The following GRID2 variants were observed in gnomAD, a reference collection of about 807,000 sequenced individuals.
The protein encoded by GRID2 is glutamate ionotropic receptor delta type subunit 2.
GRID2 carries 33 observed loss-of-function variants against 114.8 expected under a neutral mutation model. The observed-to-expected ratio is 0.29, with a 90% CI of 0.22 to 0.38. The LOEUF is 0.38. Among genes scored for constraint, GRID2 ranks in the 10% least tolerant of loss-of-function variants. The pLI, the probability that GRID2 is intolerant of heterozygous loss-of-function variation, is 1.00. For missense variants in GRID2, 1,184 were observed against 1,257.7 expected (o/e 0.94, Z 0.89); for synonymous variants, 505 against 449.9 (o/e 1.12, Z -1.55).
intron 9 of GRID2, among the ~76,000 whole-genome samples, chr4:93,404,696 T>C (rs1193200361): frequency 2.0e-5 from 3 of 152,108 alleles, no homozygotes; most frequent in Non-Finnish European, 4.4e-5. Context: ...GAAAGAAGTA[T>C]CCAACTTATG....
At chr4:93,075,828 A>T (rs950062471) in intron 2 of GRID2, among the ~76,000 whole-genome samples, 1 of 147,916 alleles carries the variant, frequency 6.8e-6, no homozygotes, top group Non-Finnish European at 1.5e-5. Context: ...GAAGTTATGT[A>T]TAATGCTTAT....
At chr4:92,355,752 C>T (rs922001527) in intron 1 of GRID2, among the ~76,000 whole-genome samples, 1 of 151,684 alleles carries the variant, frequency 6.6e-6, no homozygotes, top group Non-Finnish European at 1.5e-5. Context: ...GAGATAAAAA[C>T]TATGAAGGGT....
At chr4:92,481,102 T>C (rs905946205) in intron 1 of GRID2, among the ~76,000 whole-genome samples, 10 of 152,150 alleles carry the variant, frequency 6.6e-5, no homozygotes, top group Non-Finnish European at 2.9e-5. Flanking sequence ...GCTGAATGTG[T>C]ATATGACGTA....
chr4:92,647,125 T>A (rs1309740186), intron 2 of GRID2, among the ~76,000 whole-genome samples: 2 of 152,180 alleles, frequency 1.3e-5, no homozygotes, highest in African/African-American at 4.8e-5. Context: ...CATTTAATAA[T>A]GGTGTGATCC....
intron 1 of GRID2, among the ~76,000 whole-genome samples, chr4:92,360,421 A>G (rs1467654763): frequency 6.6e-6 from 1 of 151,960 alleles, no homozygotes; most frequent in African/African-American, 2.4e-5. Context: ...AGTTCGAATA[A>G]AAACACAGGC....
chr4:92,889,363 A>G lies in GRID2; in HGVS notation c.245-195632A>G, dbSNP rs1746585590. ...CAGATGACATGATTGTATATTTAGA[A>G]AACCCCATCCATCGTCTCAGCCCAG... is the stretch of plus-strand genomic sequence containing the variant. On this transcript the variant is annotated intron_variant, in intron 2 of 15. Transcript: ENST00000282020. 2.0e-5 allele frequency among the ~76,000 whole-genome samples: 3 copies of G among 152,168 alleles called. No individual in the cohort carries two copies. The South Asian group carries it at 6.2e-4, about 31-fold the overall frequency.
intron 1 of GRID2, among the ~76,000 whole-genome samples, chr4:92,520,524 T>C (rs1315305719): frequency 1.3e-5 from 2 of 151,964 alleles, no homozygotes; most frequent in Non-Finnish European, 2.9e-5. Flanking sequence ...ATTGTGTTTC[T>C]TTACCAGGTG....
intron 1 of GRID2, among the ~76,000 whole-genome samples, chr4:93,785,380 G>A (rs926849128): frequency 2.0e-4 from 31 of 152,152 alleles, no homozygotes; most frequent in African/African-American, 7.5e-4. Flanking sequence ...GCTAGGAAAA[G>A]CTCCCTAGAG....
At chr4:93,084,643 C>T (rs1169030107) in intron 2 of GRID2, among the ~76,000 whole-genome samples, 5 of 152,132 alleles carry the variant, frequency 3.3e-5, no homozygotes, top group Admixed American at 2.6e-4. Context: ...AAAAGTTTAT[C>T]TACCACTAAT....
intron 1 of GRID2, among the ~76,000 whole-genome samples, chr4:92,347,252 G>A (rs2110175333): frequency 6.6e-6 from 1 of 152,276 alleles, no homozygotes; most frequent in East Asian, 1.9e-4. Context: ...TCAATATTAG[G>A]ATAGTTCAGT....
downstream of GRID2, among the ~76,000 whole-genome samples, chr4:93,775,005 T>C (rs996163213): frequency 1.3e-4 from 20 of 152,276 alleles, no homozygotes; most frequent in African/African-American, 4.8e-4. Flanking sequence ...ATGCTGAATC[T>C]ATTAATTTGG....
chr4:93,021,498 TA>T (rs955239868), intron 2 of GRID2, among the ~76,000 whole-genome samples: 9 of 147,558 alleles, frequency 6.1e-5, no homozygotes, highest in Non-Finnish European at 1.3e-4. Context: ...CTGCTAAATA[TA>T]AAAAAATAGG....
At chr4:93,328,691 A>G (rs1210566239) in intron 8 of GRID2, among the ~76,000 whole-genome samples, 1 of 149,150 alleles carries the variant, frequency 6.7e-6, no homozygotes, top group African/African-American at 2.5e-5. Context: ...AAGTGCATGG[A>G]TGGATGGATG....
chr4:93,448,799 CCCTTCCCTT>C (rs1722346615), intron 10 of GRID2, among the ~76,000 whole-genome samples: 1 of 7,722 alleles, frequency 1.3e-4, no homozygotes, highest in East Asian at 9.3e-3. Context: ...CCCTTCCCTT[CCCTTCCCTT>C]CCCTTCCCTT....
intron 2 of GRID2, among the ~76,000 whole-genome samples, chr4:92,980,816 G>A (rs1754143830): frequency 6.6e-6 from 1 of 151,988 alleles, no homozygotes; most frequent in Admixed American, 6.6e-5. Flanking sequence ...GCATTATTGA[G>A]GAAGAATGAA....
chr4:93,696,026 CT>C (rs1726989396), intron 14 of GRID2, among the ~76,000 whole-genome samples: 1 of 152,216 alleles, frequency 6.6e-6, no homozygotes, highest in Non-Finnish European at 1.5e-5. Flanking sequence ...TATTTACACA[CT>C]GCTTAAGATG....
chr4:93,332,986 C>A (rs926102771), intron 8 of GRID2, among the ~76,000 whole-genome samples: 5 of 152,062 alleles, frequency 3.3e-5, no homozygotes, highest in African/African-American at 1.2e-4. Context: ...ATAAAACATG[C>A]TTTATTCCTA....
At chr4:92,889,723 A>G (rs1746617857) in intron 2 of GRID2, among the ~76,000 whole-genome samples, 1 of 152,194 alleles carries the variant, frequency 6.6e-6, no homozygotes, top group South Asian at 2.1e-4. Context: ...TACTATTCCC[A>G]TCAAGCTACC....
chr4:93,586,247 T>G (rs1737530892), intron 13 of GRID2, among the ~76,000 whole-genome samples: 1 of 152,044 alleles, frequency 6.6e-6, no homozygotes, highest in Non-Finnish European at 1.5e-5. Flanking sequence ...ACATCTGGGG[T>G]CACCAGATGT....
Sources: allele counts gnomAD v4.1 joint callset (sites outside exome capture counted in the v4.1 genomes callset), GRCh38; gene constraint gnomAD v4.1.1; transcripts MANE v1.5; gene names NCBI Gene and HGNC (gene_info 2026-07-23, HGNC 2026-07-21).